HS1BP3: variants seen among roughly 807,000 people sequenced by gnomAD.
The protein encoded by HS1BP3 is HCLS1-binding protein 3.
Under a neutral mutation model 33.5 loss-of-function variants are expected in HS1BP3, and 32 were observed. The ratio of observed to expected loss-of-function variants is 0.95; its 90% CI spans 0.72 to 1.28. HS1BP3 has a LOEUF of 1.28. Among genes scored for constraint, HS1BP3 ranks in the 50% most tolerant of loss-of-function variants. HS1BP3 has a pLI of 0.00. For missense variants in HS1BP3, 486 were observed against 502.3 expected, an observed-to-expected ratio of 0.97 and a Z score of 0.31; for synonymous variants, 187 against 209.2, an observed-to-expected ratio of 0.89 and a Z score of 0.92.
chr2:20,582,665 C>T (rs1256716318), intron 5 of HS1BP3, among the ~76,000 whole-genome samples: 1 of 152,136 alleles, frequency 6.6e-6, no homozygotes, highest in African/African-American at 2.4e-5. Context: ...TCGGGTTTCA[C>T]AGGCATCTAG....
At chr2:20,642,206 C>T (rs746310729) in intron 2 of HS1BP3, among the ~76,000 whole-genome samples, 6 of 152,234 alleles carry the variant, frequency 3.9e-5, no homozygotes, top group Non-Finnish European at 7.3e-5. Flanking sequence ...CACAGTGTGC[C>T]ACTGGAGTGC....
intron 5 of HS1BP3, among the ~76,000 whole-genome samples, chr2:20,565,440 C>A (rs943313552): frequency 6.6e-6 from 1 of 152,200 alleles, no homozygotes; most frequent in Non-Finnish European, 1.5e-5. Context: ...CCCCGCCAGA[C>A]CCTCTCCACA....
At chr2:20,559,418 T>C (rs1482889474), downstream of HS1BP3, among the ~76,000 whole-genome samples, 1 of 152,136 alleles carries the variant, frequency 6.6e-6, no homozygotes, top group East Asian at 1.9e-4. Flanking sequence ...GCAGTGAGTA[T>C]TTGTTGGATG....
chr2:20,623,935 G>A lies in HS1BP3; in HGVS notation c.881C>T (p.Pro294Leu), dbSNP rs781479642. Reference protein sequence around the residue: ...PAACESGGPTPSLSHRDASKE... With the variant: ...PAACESGGPTLSLSHRDASKE... Reference sequence around the variant, plus strand: ...GGAGGCGTCCCTGTGGCTGAGGCTGGGTGTGGGCCCTCCACTCTCACAGGC... The same window carrying A: ...GGAGGCGTCCCTGTGGCTGAGGCTGAGTGTGGGCCCTCCACTCTCACAGGC... The change falls in exon 6 of 7, where the codon CCC becomes CTC. Residue 294 changes from proline to leucine, a missense_variant. Physicochemically the swap from Pro to Leu is moderately conservative, Grantham distance 98. Coordinates refer to ENST00000304031, the MANE Select transcript of HS1BP3 (RefSeq NM_022460.4). 3 of 1,612,578 alleles carry A rather than the reference G, an allele frequency of 1.9e-6. No homozygotes were observed. The highest frequency in any genetic ancestry group is 2.5e-6 in the Non-Finnish European group (3 of 1,179,910).
chr2:20,568,594 A>G (rs1384299403), intron 5 of HS1BP3, among the ~76,000 whole-genome samples: 1 of 152,154 alleles, frequency 6.6e-6, no homozygotes, highest in Non-Finnish European at 1.5e-5. Flanking sequence ...GAACCAAATC[A>G]GGAGGCTCCC....
intron 2 of HS1BP3, among the ~76,000 whole-genome samples, chr2:20,598,640 G>C (rs1052992600): frequency 8.1e-6 from 1 of 122,854 alleles, no homozygotes; most frequent in Admixed American, 1.1e-4. Context: ...CTCACTGCAA[G>C]CTCCGCCTCC....
chr2:20,602,813 A>G (rs1694099701), intron 2 of HS1BP3, among the ~76,000 whole-genome samples: 1 of 152,250 alleles, frequency 6.6e-6, no homozygotes, highest in Admixed American at 6.5e-5. Context: ...ATGGGAGAAA[A>G]TATTTGCAAA....
At chr2:20,642,686 C>T (rs1365146961) in intron 2 of HS1BP3, among the ~76,000 whole-genome samples, 4 of 152,220 alleles carry the variant, frequency 2.6e-5, no homozygotes, top group African/African-American at 9.6e-5. Flanking sequence ...GAGCTGTAGG[C>T]CTGGGCTCCC....
intron 4 of HS1BP3, 170 bp downstream of exon 4, chr2:20,638,266 G>A (rs1369822620): frequency 6.3e-6 from 4 of 635,622 alleles, no homozygotes; most frequent in Non-Finnish European, 1.1e-5. Flanking sequence ...CCAAGGGCAC[G>A]CAGAGAGCTA....
intron 1 of HS1BP3, among the ~76,000 whole-genome samples, chr2:20,649,123 C>T (rs1402206847): frequency 6.6e-6 from 1 of 152,212 alleles, no homozygotes. Context: ...CTCTATAAAC[C>T]AGAAGTTGGG....
At chr2:20,616,931 A>G (rs949997236), downstream of HS1BP3, among the ~76,000 whole-genome samples, 2 of 152,144 alleles carry the variant, frequency 1.3e-5, no homozygotes, top group Non-Finnish European at 2.9e-5. Flanking sequence ...ATACTGGAGC[A>G]TCAATATCTG....
At chr2:20,558,046 G>A (rs897857316), downstream of HS1BP3, among the ~76,000 whole-genome samples, 13 of 152,238 alleles carry the variant, frequency 8.5e-5, no homozygotes, top group Admixed American at 5.2e-4. Context: ...TCCCCAGATA[G>A]AGGCTACTTT....
chr2:20,622,265 G>A, intron 6 of HS1BP3: 1 of 1,304,444 alleles, frequency 7.7e-7, no homozygotes, highest in Non-Finnish European at 1.0e-6. Context: ...AAGAATGAAT[G>A]TGGTTCCTGC....
chr2:20,582,521 G>A (rs917606576), intron 5 of HS1BP3, among the ~76,000 whole-genome samples: 2 of 152,224 alleles, frequency 1.3e-5, no homozygotes, highest in South Asian at 4.1e-4. Context: ...GGAAGTCATT[G>A]AATTCCTCCA....
At chr2:20,594,040 G>A (rs1462480267) in intron 3 of HS1BP3, among the ~76,000 whole-genome samples, 2 of 152,224 alleles carry the variant, frequency 1.3e-5, no homozygotes, top group Non-Finnish European at 2.9e-5. Flanking sequence ...CCTTCCTGTT[G>A]CTGGTCCCCA....
At chr2:20,643,840 G>A (rs952615940) in intron 2 of HS1BP3, among the ~76,000 whole-genome samples, 3 of 152,152 alleles carry the variant, frequency 2.0e-5, no homozygotes, top group African/African-American at 7.2e-5. Context: ...GGCTGAGGCA[G>A]GAGGATTGCT....
At chr2:20,624,946 G>T (rs576498539) in intron 4 of HS1BP3, 54 bp from the exon 5 acceptor site, 2 of 1,603,282 alleles carry the variant, frequency 1.2e-6, no homozygotes, top group African/African-American at 2.7e-5. Context: ...GTGTCCAGGT[G>T]GTCCGGTCAG....
intron 3 of HS1BP3, chr2:20,640,267 G>A (rs1264311366): frequency 6.6e-6 from 1 of 152,642 alleles, no homozygotes; most frequent in Admixed American, 6.5e-5. Flanking sequence ...TAACCGAGGA[G>A]TGGGGTAAAA....
At chr2:20,634,676 C>T (rs1695067538) in intron 4 of HS1BP3, 1 of 152,226 alleles carries the variant, frequency 6.6e-6, no homozygotes, top group African/African-American at 2.4e-5. Context: ...GGCAATGTGC[C>T]AGGAGCATTC....
Sources: gnomAD v4.1 joint callset for allele counts (sites outside exome capture counted in the v4.1 genomes callset) on GRCh38, gnomAD v4.1.1 for gene constraint, MANE v1.5 for transcripts, NCBI Gene and HGNC (gene_info 2026-07-23, HGNC 2026-07-21) for gene names.